The following RAD51B variants were observed in gnomAD, a reference collection of about 807,000 sequenced individuals.
The protein encoded by RAD51B is DNA repair protein RAD51 homolog 2.
A neutral mutation model predicts 42.2 loss-of-function variants in RAD51B; 38 were observed. The observed-to-expected ratio is 0.90, with a 90% CI of 0.70 to 1.18. The LOEUF is 1.18. Ranked by LOEUF, RAD51B falls within the 50% of genes most tolerant of loss-of-function variation. RAD51B has a pLI of 0.00. For synonymous variants in RAD51B, 154 were observed against 145.2 expected (o/e 1.06, Z -0.43); for missense variants, 373 against 400.7 (o/e 0.93, Z 0.59).
At chr14:68,202,277 G>A (rs1274641) in intron 7 of RAD51B, among the ~76,000 whole-genome samples, 30,346 of 151,894 alleles carry the variant, frequency 0.2, 3,502 homozygotes, top group Middle Eastern at 0.37. Flanking sequence ...TGAAGGTTGG[G>A]GTGGATGTGC....
At chr14:67,881,704 C>T (rs1409975819) in intron 5 of RAD51B, among the ~76,000 whole-genome samples, 1 of 152,166 alleles carries the variant, frequency 6.6e-6, no homozygotes. Flanking sequence ...ATTACAGTCT[C>T]AAGCTTTCTA....
intron 10 of RAD51B, chr14:68,468,488 G>T: frequency 1.8e-6 from 1 of 564,860 alleles, no homozygotes; most frequent in Non-Finnish European, 3.3e-6. Flanking sequence ...AACAGAATGA[G>T]ACAATCAAAA....
chr14:67,925,194 TC>T (rs1450094689), intron 7 of RAD51B, among the ~76,000 whole-genome samples: 2 of 152,216 alleles, frequency 1.3e-5, no homozygotes, highest in African/African-American at 4.8e-5. Context: ...ACAGCCCCCC[TC>T]CTAGCTGCCT....
In RAD51B at chr14:68,091,588, G is replaced by C. The variant is rs143616515; in HGVS notation, c.757-200296G>C. 7.4e-3 allele frequency among the ~76,000 whole-genome samples: 1,121 copies of C among 152,184 alleles called. 13 individuals are homozygous for C. The highest frequency in any genetic ancestry group is 0.026 in the African/African-American group (1,079 of 41,536). On this transcript the variant is annotated intron_variant, in intron 7 of 10. Transcript: ENST00000471583. ...AATTTGTTTGAGTTCATTGTAGATT[G>C]TGGATATTAGCCCTTTGTCAGATGA... is the stretch of plus-strand genomic sequence containing the variant.
intron 7 of RAD51B, among the ~76,000 whole-genome samples, chr14:67,889,838 A>C (rs1393954354): frequency 1.3e-5 from 2 of 152,216 alleles, no homozygotes; most frequent in Admixed American, 6.5e-5. Flanking sequence ...AAATGAAAAC[A>C]TAAAATTAAA....
chr14:68,502,848 G>A (rs1027589518), intron 10 of RAD51B, among the ~76,000 whole-genome samples: 1 of 152,184 alleles, frequency 6.6e-6, no homozygotes, highest in African/African-American at 2.4e-5. Flanking sequence ...AGGATCCTGT[G>A]TGGACTCCTT....
At chr14:68,155,034 AT>A (rs2078471002) in intron 7 of RAD51B, among the ~76,000 whole-genome samples, 1 of 152,046 alleles carries the variant, frequency 6.6e-6, no homozygotes, top group African/African-American at 2.4e-5. Context: ...GCATAACACA[AT>A]TTTTTGTACC....
At chr14:67,951,987 A>G (rs1025129283) in intron 7 of RAD51B, among the ~76,000 whole-genome samples, 2 of 139,256 alleles carry the variant, frequency 1.4e-5, no homozygotes, top group Admixed American at 6.8e-5. Flanking sequence ...AGAACCATCA[A>G]ACTAATACAA....
At chr14:68,190,839 C>T (rs2079250865) in intron 7 of RAD51B, among the ~76,000 whole-genome samples, 1 of 152,146 alleles carries the variant, frequency 6.6e-6, no homozygotes, top group Non-Finnish European at 1.5e-5. Context: ...TCTCTAGAAG[C>T]TAGCATTTTA....
intron 8 of RAD51B, among the ~76,000 whole-genome samples, chr14:68,324,128 G>A (rs559768584): frequency 1.3e-5 from 2 of 152,270 alleles, no homozygotes; most frequent in South Asian, 4.1e-4. Flanking sequence ...TTTTATAAGT[G>A]CCTGGCATAT....
chr14:68,570,330 T>C (rs1594983547), intron 10 of RAD51B, among the ~76,000 whole-genome samples: 1 of 152,220 alleles, frequency 6.6e-6, no homozygotes, highest in East Asian at 1.9e-4. Flanking sequence ...TATGACTCTC[T>C]CCCCGGGGTC....
At chr14:68,342,006 C>T (rs1566820346) in intron 8 of RAD51B, among the ~76,000 whole-genome samples, 1 of 151,978 alleles carries the variant, frequency 6.6e-6, no homozygotes, top group Non-Finnish European at 1.5e-5. Flanking sequence ...AAAAAAAAAT[C>T]CAGATGCTTT....
chr14:68,387,673 G>T (rs532011518), intron 8 of RAD51B, among the ~76,000 whole-genome samples: 1 of 152,306 alleles, frequency 6.6e-6, no homozygotes, highest in East Asian at 1.9e-4. Flanking sequence ...GGACTGGGAT[G>T]CAGCTGACTC....
chr14:68,435,510 T>G (rs185453669), intron 9 of RAD51B, among the ~76,000 whole-genome samples: 14,464 of 143,480 alleles, frequency 0.1, 1,022 homozygotes, highest in African/African-American at 0.23. Context: ...TTTTTTTTTT[T>G]GGGAGAACAA....
At chr14:68,190,675 G>A (rs927627061) in intron 7 of RAD51B, among the ~76,000 whole-genome samples, 3 of 151,944 alleles carry the variant, frequency 2.0e-5, no homozygotes, top group African/African-American at 7.3e-5. Flanking sequence ...TCTATATTCT[G>A]GAGACATCAA....
chr14:68,503,071 G>A (rs1006921372), intron 10 of RAD51B, among the ~76,000 whole-genome samples: 1 of 152,194 alleles, frequency 6.6e-6, no homozygotes, highest in Non-Finnish European at 1.5e-5. Context: ...TTGGAGGACT[G>A]ACACTTCATG....
At chr14:68,490,223 T>C (rs76674467) in intron 10 of RAD51B, among the ~76,000 whole-genome samples, 24,350 of 152,256 alleles carry the variant, frequency 0.16, 2,619 homozygotes, top group Non-Finnish European at 0.24. Flanking sequence ...ATTTATGTGA[T>C]TTTAATTTAT....
At chr14:67,850,627 T>G (rs559483624) in intron 4 of RAD51B, among the ~76,000 whole-genome samples, 1 of 152,340 alleles carries the variant, frequency 6.6e-6, no homozygotes, top group East Asian at 1.9e-4. Context: ...TGTGGAGGGC[T>G]GCATACCATG....
At chr14:68,390,957 A>G (rs1276038090) in intron 8 of RAD51B, among the ~76,000 whole-genome samples, 1 of 152,238 alleles carries the variant, frequency 6.6e-6, no homozygotes, top group Non-Finnish European at 1.5e-5. Flanking sequence ...AGCTGAGAGT[A>G]TTGATTCATT....
Sources: allele counts gnomAD v4.1 joint callset (sites outside exome capture counted in the v4.1 genomes callset), GRCh38; gene constraint gnomAD v4.1.1; transcripts MANE v1.5; gene names NCBI Gene and HGNC (gene_info 2026-07-23, HGNC 2026-07-21).